Variants in PIK3C2G observed in about 807,000 individuals in gnomAD.
PIK3C2G encodes phosphatidylinositol 3-kinase C2 domain-containing subunit gamma.
A neutral mutation model predicts 181.1 loss-of-function variants in PIK3C2G; 168 were observed. The observed-to-expected ratio is 0.93, with a 90% CI of 0.82 to 1.05. PIK3C2G has a LOEUF of 1.05. Among genes scored for constraint, PIK3C2G ranks in the 50% least tolerant of loss-of-function variants. The pLI is 0.00. For missense variants in PIK3C2G, 1,869 were observed against 1,732.8 expected (o/e 1.08, Z -1.40); for synonymous variants, 573 against 592.2 (o/e 0.97, Z 0.47).
downstream of PIK3C2G, among the ~76,000 whole-genome samples, chr12:18,650,750 ATATATATATATATAT>A (rs1950473033): frequency 2.4e-5 from 2 of 82,132 alleles, no homozygotes; most frequent in African/African-American, 1.2e-4. Context: ...ATATATATAT[ATATATATATATATAT>A]TCCAGTCCAT....
At chr12:18,372,555 T>G (rs918113886) in intron 13 of PIK3C2G, 2 of 152,230 alleles carry the variant, frequency 1.3e-5, no homozygotes, top group African/African-American at 4.8e-5. Context: ...GCTATACAAG[T>G]GTCTTTCCTT....
chr12:18,266,437 A>C (rs957511542), intron 1 of PIK3C2G, among the ~76,000 whole-genome samples: 1 of 152,172 alleles, frequency 6.6e-6, no homozygotes, highest in Non-Finnish European at 1.5e-5. Flanking sequence ...CACCTTGCTC[A>C]TTAATACGGA....
chr12:18,512,848 G>T (rs554162354), intron 24 of PIK3C2G, among the ~76,000 whole-genome samples: 1 of 151,996 alleles, frequency 6.6e-6, no homozygotes, highest in African/African-American at 2.4e-5. Flanking sequence ...GAAGTGGTAA[G>T]AATGGGCATC....
intron 5 of PIK3C2G, among the ~76,000 whole-genome samples, chr12:18,306,053 T>C (rs994745281): frequency 1.3e-5 from 2 of 151,952 alleles, no homozygotes; most frequent in Non-Finnish European, 2.9e-5. Context: ...GTTATAAAAC[T>C]TTTTTCCAGA....
chr12:18,561,879 T>A (rs1945363375), intron 26 of PIK3C2G, among the ~76,000 whole-genome samples: 1 of 152,080 alleles, frequency 6.6e-6, no homozygotes, highest in Middle Eastern at 3.4e-3. Flanking sequence ...GTATGCTACC[T>A]TTTTTAAAGA....
rs56828402 is a variant in PIK3C2G, at chr12:18,462,542, T to C, written c.2505-25907T>C. ...CTATCTTAGTTCAGGCCCTTTTTTG[T>C]AGACTATTGACAGAAGGTAACTCAA... On this transcript the variant is annotated intron_variant, in intron 18 of 32. Coordinates refer to ENST00000538779, the MANE Select transcript of PIK3C2G (RefSeq NM_001288772.2). Among the ~76,000 whole-genome samples, 712 of 152,256 alleles carry C rather than the reference T, an allele frequency of 4.7e-3. 5 individuals carry two copies. The highest frequency in any genetic ancestry group is 0.017 in the African/African-American group (687 of 41,552).
chr12:18,411,384 A>G (rs1448434034), intron 16 of PIK3C2G, among the ~76,000 whole-genome samples: 3 of 152,120 alleles, frequency 2.0e-5, no homozygotes, highest in Non-Finnish European at 4.4e-5. Context: ...GTATAAGGAG[A>G]TTAAACTAGG....
chr12:18,581,709 C>A (rs1262675221), intron 29 of PIK3C2G, among the ~76,000 whole-genome samples: 1 of 152,162 alleles, frequency 6.6e-6, no homozygotes, highest in Non-Finnish European at 1.5e-5. Flanking sequence ...AAGGTGGATT[C>A]ATGTATCTCA....
chr12:18,455,658 T>C (rs1947586035), intron 18 of PIK3C2G, among the ~76,000 whole-genome samples: 2 of 152,086 alleles, frequency 1.3e-5, no homozygotes, highest in Admixed American at 1.3e-4. Flanking sequence ...AAGACTTGCT[T>C]CCTGCTTCAC....
upstream of PIK3C2G, among the ~76,000 whole-genome samples, chr12:18,244,016 G>A (rs768697568): frequency 2.6e-5 from 4 of 151,922 alleles, no homozygotes; most frequent in Non-Finnish European, 5.9e-5. Context: ...GGAGAATTAA[G>A]CACAAGGTAC....
chr12:18,648,177 GT>G lies in PIK3C2G; in HGVS notation c.*151del, dbSNP rs1357208060. ...AAAAAAATCAGAATTAGTCTTTTGT[GT>G]TGTTTATTTTCTACCTGTGCTTTCA... On this transcript the variant is annotated 3_prime_UTR_variant, in exon 33 of 33. Transcript: ENST00000538779. The G allele has an allele frequency of 1.2e-5, 5 of 401,030 alleles. No individual in the cohort carries two copies. In the Admixed American group the frequency reaches 2.2e-4, roughly 18 times the overall value. The allele number at this position is 401,030 out of a possible 1,614,324, so 24.8% of individuals were successfully genotyped here.
intron 11 of PIK3C2G, among the ~76,000 whole-genome samples, chr12:18,359,465 T>C (rs534864812): frequency 6.6e-6 from 1 of 152,288 alleles, no homozygotes; most frequent in South Asian, 2.1e-4. Context: ...TCTATAGCGT[T>C]GTTCTAATCC....
At chr12:18,368,110 C>T (rs1941771185) in intron 12 of PIK3C2G, among the ~76,000 whole-genome samples, 1 of 152,140 alleles carries the variant, frequency 6.6e-6, no homozygotes, top group Non-Finnish European at 1.5e-5. Flanking sequence ...TCCCAGGTGC[C>T]TCTCTCAACA....
At chr12:18,687,534 A>T in the PIK3C2G span, among the ~76,000 whole-genome samples, 2 of 152,148 alleles carry the variant, frequency 1.3e-5, no homozygotes, top group African/African-American at 4.8e-5. Context: ...AAGATGTCAT[A>T]GCATGCCAGA....
chr12:18,584,469 T>C (rs1946671505), intron 29 of PIK3C2G, among the ~76,000 whole-genome samples: 1 of 151,910 alleles, frequency 6.6e-6, no homozygotes, highest in Non-Finnish European at 1.5e-5. Flanking sequence ...CTCTCTGAAA[T>C]AAGACAGTCA....
chr12:18,562,606 T>TC lies in PIK3C2G; in HGVS notation c.3591-93dup, dbSNP rs377674324. ...TAAACATACATGGTTCTTGGCTTTT[T>TC]CCCCTCATACTGACAAACACAAGGA... On this transcript the variant is annotated intron_variant, in intron 26 of 32. Coordinates refer to ENST00000538779, the MANE Select transcript of PIK3C2G (RefSeq NM_001288772.2). 6 of 713,054 alleles carry TC rather than the reference T, an allele frequency of 8.4e-6. No individual in the cohort carries two copies. The African/African-American group carries it at 1.1e-4, about 13-fold the overall frequency. The allele number at this position is 713,054 out of a possible 1,614,324, so 44.2% of individuals were successfully genotyped here.
At chr12:18,475,014 T>C (rs1938828609) in intron 18 of PIK3C2G, among the ~76,000 whole-genome samples, 1 of 152,064 alleles carries the variant, frequency 6.6e-6, no homozygotes, top group African/African-American at 2.4e-5. Context: ...TTAAAACTTT[T>C]CTTAAAGGAT....
At chr12:18,616,717 G>GA (rs1010078054) in intron 31 of PIK3C2G, among the ~76,000 whole-genome samples, 2 of 151,786 alleles carry the variant, frequency 1.3e-5, no homozygotes, top group Non-Finnish European at 2.9e-5. Flanking sequence ...TTTACATTCT[G>GA]ACCTAAAAAA....
chr12:18,314,879 G>A (rs1212317353), intron 6 of PIK3C2G, among the ~76,000 whole-genome samples: 1 of 152,208 alleles, frequency 6.6e-6, no homozygotes, highest in Non-Finnish European at 1.5e-5. Flanking sequence ...AATTAGGACA[G>A]ATAAACTTTC....
Sources: gnomAD v4.1 joint callset for allele counts (sites outside exome capture counted in the v4.1 genomes callset) on GRCh38, gnomAD v4.1.1 for gene constraint, MANE v1.5 for transcripts, NCBI Gene and HGNC (gene_info 2026-07-23, HGNC 2026-07-21) for gene names.